The following TEX15 variants were observed in gnomAD, a reference collection of about 807,000 sequenced individuals.
The protein encoded by TEX15 is testis expressed 15, meiosis and synapsis associated.
In TEX15, 171 loss-of-function variants were observed where a neutral mutation model predicts 237.3. The ratio of observed to expected loss-of-function variants is 0.72; its 90% CI spans 0.64 to 0.82. TEX15 has a LOEUF of 0.82. TEX15 is among the 40% of genes least tolerant of loss of function. The pLI, the probability that TEX15 is intolerant of heterozygous loss-of-function variation, is 0.00. For synonymous variants in TEX15, 1,338 were observed against 1,269.8 expected (o/e 1.05, Z -1.14); for missense variants, 3,750 against 3,646.5 (o/e 1.03, Z -0.73).
In TEX15 at chr8:30,847,315, T is replaced by C; in HGVS notation, c.2852A>G (p.Gln951Arg). Reference sequence around the variant, plus strand: ...TCTTCCAGTATTTTCAGTATCTTTTTGTTTCACGGCACTAATGGTATCTTC... The same window carrying C: ...TCTTCCAGTATTTTCAGTATCTTTTCGTTTCACGGCACTAATGGTATCTTC... ...SEEDTISAVK[Q>R]KDTENTGRSV... The change falls in exon 8 of 11, where the codon CAA becomes CGA. Residue 951 changes from glutamine to arginine, a missense_variant. By Grantham distance (43) the Gln-to-Arg change is conservative. Transcript: ENST00000643185. 6.2e-7 allele frequency: 1 copy of C among 1,614,020 alleles called. No individual in the cohort carries two copies. The highest frequency in any genetic ancestry group is 8.5e-7 in the Non-Finnish European group (1 of 1,179,922).
chr8:30,877,957 C>A (rs958086770), intron 3 of TEX15, among the ~76,000 whole-genome samples: 12 of 152,098 alleles, frequency 7.9e-5, no homozygotes, highest in Non-Finnish European at 1.6e-4. Flanking sequence ...TTTTTTCATA[C>A]TGAAACTCTC....
At chr8:30,907,586 A>G (rs935621817) in intron 1 of TEX15, among the ~76,000 whole-genome samples, 1 of 144,920 alleles carries the variant, frequency 6.9e-6, no homozygotes, top group South Asian at 2.1e-4. Flanking sequence ...ATAAATTAAT[A>G]TACATTATAT....
chr8:30,837,442 T>A lies in TEX15; in HGVS notation c.8842A>T (p.Thr2948Ser). ...EPICIQNKIP[T>S]LQINKLQPTE... is the part of the protein sequence containing the mutation. ...GGCTGTAGTTTGTTTATCTGCAGAG[T>A]AGGAATTTTGTTCTGGATACAGATG... is the stretch of plus-strand genomic sequence containing the variant. Residue 2948 changes from threonine (T) to serine (S), a missense_variant, in exon 10 of 11, where the codon ACT becomes TCT. By Grantham distance (58) the Thr-to-Ser change is moderately conservative. Coordinates refer to ENST00000643185, the MANE Select transcript of TEX15 (RefSeq NM_001350162.2). 1 of 1,614,144 alleles carries A rather than the reference T, an allele frequency of 6.2e-7. No individual in the cohort carries two copies. The highest frequency in any genetic ancestry group is 8.5e-7 in the Non-Finnish European group (1 of 1,180,012).
Position 30,842,906 on chromosome 8 carries a change from C to A in TEX15, c.7261G>T (p.Glu2421Ter). The A allele has an allele frequency of 1.9e-6, 3 of 1,608,946 alleles. No homozygotes were observed. In the African/African-American group the frequency reaches 4.0e-5, roughly 21 times the overall value. Residue 2421 changes from glutamate (E) to a stop codon, truncating the protein, a stop_gained, in exon 8 of 11, where the codon GAA (glutamate) becomes TAA (stop). Transcript: ENST00000643185. LOFTEE classifies it high-confidence loss of function. ...NNMDNIFITEENVLDVVINHS... is the reference protein window; with the variant it reads ...NNMDNIFITE ...TTTATCACCACGTCTAAAACATTTT[C>A]TTCTGTGATAAAAATATTATCCATG...
chr8:30,866,773 T>A (rs1396649884), intron 5 of TEX15, among the ~76,000 whole-genome samples: 1 of 151,758 alleles, frequency 6.6e-6, no homozygotes, highest in African/African-American at 2.4e-5. Context: ...AAAGGTCCCA[T>A]ATACCCTGTG....
In TEX15 at chr8:30,849,299, T is replaced by C. The variant is rs1807712981; in HGVS notation, c.868A>G (p.Asn290Asp). The change falls in exon 8 of 11, where the codon AAT becomes GAT. Residue 290 changes from asparagine (N) to aspartate (D), a missense_variant. By Grantham distance (23) the Asn-to-Asp change is conservative. Coordinates refer to ENST00000643185, the MANE Select transcript of TEX15 (RefSeq NM_001350162.2). ...AATCTTTTGGCCACTGTACAGTTAT[T>C]CAGAGAGCATGTCCTTTCTGTGGAA... ...PKRAERTCSL[N>D]NCTVAKRFGK... 1.3e-6 allele frequency: 2 copies of C among 1,520,600 alleles called. No homozygotes were observed. Among genetic ancestry groups the C allele is most frequent in the Admixed American group, 2.1e-5 (1 of 47,346 alleles). The allele number at this position is 1,520,600 out of a possible 1,614,324, so 94.2% of individuals were successfully genotyped here.
chr8:30,852,573 T>A (rs1403909101), intron 7 of TEX15, among the ~76,000 whole-genome samples: 1 of 152,110 alleles, frequency 6.6e-6, no homozygotes, highest in Non-Finnish European at 1.5e-5. Context: ...TCTCATCAAA[T>A]GACAATTAAA....
Position 30,911,949 on chromosome 8 carries a change from A to G in TEX15, c.-86+930T>C, listed in dbSNP as rs563526029. On this transcript the variant is annotated intron_variant, in intron 1 of 10. Coordinates refer to ENST00000643185, the MANE Select transcript of TEX15 (RefSeq NM_001350162.2). ...GGACCCGAGGGGTTTCACTCCCTTC[A>G]CTGAGCCGAGCCAGGAAGCCAAGAG... is the stretch of plus-strand genomic sequence containing the variant. 3.0e-4 allele frequency among the ~76,000 whole-genome samples: 46 copies of G among 152,224 alleles called. No individual in the cohort carries two copies. The South Asian group carries it at 9.3e-3, about 31-fold the overall frequency.
chr8:30,858,971 T>C (rs888174637), intron 6 of TEX15, 141 bp from the exon 7 acceptor site: 9 of 554,550 alleles, frequency 1.6e-5, no homozygotes, highest in Non-Finnish European at 2.5e-5. Flanking sequence ...TTAACCCTAA[T>C]GTTTTTGAAG....
chr8:30,895,156 T>C (rs1159688290), intron 2 of TEX15, among the ~76,000 whole-genome samples: 1 of 152,026 alleles, frequency 6.6e-6, no homozygotes, highest in Non-Finnish European at 1.5e-5. Flanking sequence ...ATAATCTGTA[T>C]GGTAAGATGG....
chr8:30,836,211 T>TG (rs1554487987), intron 10 of TEX15, among the ~76,000 whole-genome samples: 2 of 122,230 alleles, frequency 1.6e-5, no homozygotes, highest in African/African-American at 6.4e-5. Context: ...TATCGTTTTT[T>TG]TTTTTTTTTT....
intron 2 of TEX15, among the ~76,000 whole-genome samples, chr8:30,892,132 T>C (rs1043360250): frequency 2.0e-5 from 3 of 152,260 alleles, no homozygotes; most frequent in African/African-American, 7.2e-5. Flanking sequence ...TTCATAGTTT[T>C]GCCTTTTACC....
intron 5 of TEX15, among the ~76,000 whole-genome samples, chr8:30,862,550 A>G (rs886129744): frequency 6.6e-6 from 1 of 152,114 alleles, no homozygotes; most frequent in African/African-American, 2.4e-5. Flanking sequence ...TACATTCCAA[A>G]TTTTCTAAAA....
rs142262158 is a variant in TEX15, at chr8:30,895,108, T to C, written c.-10+3634A>G. Reference sequence around the variant, plus strand: ...GACAGAGGATTTTTAGAAGATCTCCTATAGGTTAGTTTGAACTGATCTTTA... The same window carrying C: ...GACAGAGGATTTTTAGAAGATCTCCCATAGGTTAGTTTGAACTGATCTTTA... On this transcript the variant is annotated intron_variant, in intron 2 of 10. Coordinates refer to ENST00000643185, the MANE Select transcript of TEX15 (RefSeq NM_001350162.2). Among the ~76,000 whole-genome samples, 399 of 152,178 alleles carry C rather than the reference T, an allele frequency of 2.6e-3. 2 individuals are homozygous for C. The highest frequency in any genetic ancestry group is 8.8e-3 in the African/African-American group (367 of 41,534).
At chr8:30,888,302 T>C (rs562448355) in intron 2 of TEX15, among the ~76,000 whole-genome samples, 29 of 152,270 alleles carry the variant, frequency 1.9e-4, no homozygotes, top group African/African-American at 7.0e-4. Flanking sequence ...TCTCTGGCTT[T>C]AGAAGAAACT....
intron 10 of TEX15, among the ~76,000 whole-genome samples, 157 bp downstream of exon 10, chr8:30,836,646 C>A (rs1380076469): frequency 6.6e-6 from 1 of 152,122 alleles, no homozygotes; most frequent in Non-Finnish European, 1.5e-5. Context: ...GATTTCCACC[C>A]TCTCTGCCCA....
intron 5 of TEX15, among the ~76,000 whole-genome samples, chr8:30,866,864 A>G (rs1808180623): frequency 6.6e-6 from 1 of 152,116 alleles, no homozygotes; most frequent in Non-Finnish European, 1.5e-5. Context: ...ATACAATACT[A>G]TTAACTAAAA....
At chr8:30,879,127 C>CT (rs556866592) in intron 3 of TEX15, among the ~76,000 whole-genome samples, 5,919 of 145,964 alleles carry the variant, frequency 0.041, 178 homozygotes, top group South Asian at 0.14. Context: ...ACTGGATTGC[C>CT]TTTTTTTTTT....
chr8:30,889,950 T>TAC (rs1554502332), intron 2 of TEX15, among the ~76,000 whole-genome samples: 10 of 120,936 alleles, frequency 8.3e-5, no homozygotes, highest in African/African-American at 3.5e-4. Context: ...TATATATATA[T>TAC]ATACATATAT....
Sources: gnomAD v4.1 joint callset for allele counts (sites outside exome capture counted in the v4.1 genomes callset) on GRCh38, gnomAD v4.1.1 for gene constraint, MANE v1.5 for transcripts, NCBI Gene and HGNC (gene_info 2026-07-23, HGNC 2026-07-21) for gene names.